TTBK1: variants seen among roughly 807,000 people sequenced by gnomAD.
TTBK1 encodes tau tubulin kinase 1.
Under a neutral mutation model 108.5 loss-of-function variants are expected in TTBK1, and 34 were observed. That is an observed-to-expected ratio of 0.31 (90% CI 0.24 to 0.42). The LOEUF is 0.42. Ranked by LOEUF, TTBK1 falls within the 10% of genes least tolerant of loss-of-function variation. The pLI, the probability that TTBK1 is intolerant of heterozygous loss-of-function variation, is 1.00. For synonymous variants in TTBK1, 809 were observed against 795.1 expected (o/e 1.02, Z -0.29); for missense variants, 1,539 against 1,826.0 (o/e 0.84, Z 2.86).
Position 43,263,209 on chromosome 6 carries a change from C to A in TTBK1, c.1845C>A (p.Pro615=). The A allele has an allele frequency of 6.3e-7, 1 of 1,579,500 alleles. No homozygotes were observed. Among genetic ancestry groups the A allele is most frequent in the Non-Finnish European group, 8.6e-7 (1 of 1,162,482 alleles). ...ACCTGCAGCATTTGCCGCCCCAGCCCCTGCCACCCCAGCTGAGCCAGGGCG... is the reference window on the plus strand; with the variant it reads ...ACCTGCAGCATTTGCCGCCCCAGCCACTGCCACCCCAGCTGAGCCAGGGCG... ...EEDLQHLPPQ[P]LPPQLSQGDG... The change falls in exon 13 of 15, where the codon CCC becomes CCA. Residue 615 remains proline (P), a synonymous_variant. Coordinates refer to ENST00000259750, the MANE Select transcript of TTBK1 (RefSeq NM_032538.3). The surrounding 1 kb of genome is among the most constrained non-coding windows in gnomAD (Gnocchi z 4.7).
In TTBK1 at chr6:43,263,714, G is replaced by A. The variant is rs975542866; in HGVS notation, c.1986+364G>A. Among the ~76,000 whole-genome samples, 5 of 152,210 alleles carry A rather than the reference G, an allele frequency of 3.3e-5. No individual in the cohort carries two copies. The highest frequency in any genetic ancestry group is 7.4e-5 in the Non-Finnish European group (5 of 68,026). On this transcript the variant is annotated intron_variant, in intron 13 of 14. Coordinates refer to ENST00000259750, the MANE Select transcript of TTBK1 (RefSeq NM_032538.3). This position sits in a 1 kb window ranked among gnomAD's most constrained non-coding sequence, Gnocchi z 4.7. ...AGACAAGGCTGTGAGGTCAGCCCTG[G>A]GCCCTGCCACGGAGGGACTTGGGGC...
At chr6:43,271,384 C>CTTG in intron 13 of TTBK1, 2 of 985,228 alleles carry the variant, frequency 2.0e-6, no homozygotes, top group Non-Finnish European at 2.4e-6. Flanking sequence ...TTACATAGAC[C>CTTG]TCAATGTGAC....
chr6:43,272,767 G>A (rs1196435819), intron 13 of TTBK1: 3 of 717,658 alleles, frequency 4.2e-6, no homozygotes, highest in Admixed American at 1.3e-4. Context: ...GCTGGTCTCC[G>A]GTTCCCAGGC....
chr6:43,261,711 A>C (rs1777543177), intron 12 of TTBK1, among the ~76,000 whole-genome samples: 1 of 147,988 alleles, frequency 6.8e-6, no homozygotes, highest in Non-Finnish European at 1.5e-5. Flanking sequence ...GCTACTCAGG[A>C]GGCTGAGGCA....
rs776301933 is a variant in TTBK1 at position 43,276,355 on chromosome 6, A to T, written c.1987-6372A>T. On this transcript the variant is annotated intron_variant, in intron 13 of 14. Transcript: ENST00000259750. This position sits in a 1 kb window ranked among gnomAD's most constrained non-coding sequence, Gnocchi z 5.4. The stretch of plus-strand genomic sequence containing the variant: ...CCGGGGTGCGTCCTCCTTAGTGTAC[A>T]TAGCGGCGTCGGGGGGTGGCCCCAG... 3.3e-5 allele frequency among the ~76,000 whole-genome samples: 5 copies of T among 152,094 alleles called. No homozygotes were observed. The highest frequency in any genetic ancestry group is 7.4e-5 in the Non-Finnish European group (5 of 68,026).
At chr6:43,271,110 T>A in intron 13 of TTBK1, 1 of 985,444 alleles carries the variant, frequency 1.0e-6, no homozygotes. Context: ...ATCCTGCCCA[T>A]GTCAGCCAGC....
chr6:43,282,311 G>A lies in TTBK1; in HGVS notation c.1987-416G>A, dbSNP rs1224234965. Among the ~76,000 whole-genome samples the A allele has an allele frequency of 6.6e-6, 1 of 152,248 alleles. No individual in the cohort carries two copies. The highest frequency in any genetic ancestry group is 1.5e-5 in the Non-Finnish European group (1 of 68,042). On this transcript the variant is annotated intron_variant, in intron 13 of 14. Transcript: ENST00000259750. The surrounding 1 kb of genome is among the most constrained non-coding windows in gnomAD (Gnocchi z 5.4). ...GTCTCTGGACCTGGCTTTCTCATCT[G>A]TAAAAGGAAGGGCTGATCTGCGTGG...
Position 43,273,969 on chromosome 6 carries a change from T to C in TTBK1, c.1987-8758T>C, listed in dbSNP as rs189791199. Among the ~76,000 whole-genome samples, 11 of 152,210 alleles carry C rather than the reference T, an allele frequency of 7.2e-5. No individual in the cohort carries two copies. The highest frequency in any genetic ancestry group is 2.6e-4 in the African/African-American group (11 of 41,534). On this transcript the variant is annotated intron_variant, in intron 13 of 14. Coordinates refer to ENST00000259750, the MANE Select transcript of TTBK1 (RefSeq NM_032538.3). This position sits in a 1 kb window ranked among gnomAD's most constrained non-coding sequence, Gnocchi z 4.2. ...GAACCTGGCCAGTGGGGATGTGTGG[T>C]GTGTGCTGTGTTTATACATGTGGTG...
At chr6:43,260,702 G>A (rs1777517731) in intron 12 of TTBK1, among the ~76,000 whole-genome samples, 1 of 152,170 alleles carries the variant, frequency 6.6e-6, no homozygotes, top group African/African-American at 2.4e-5. Flanking sequence ...AGTCCTGAAG[G>A]GCTGCCTGCT....
In TTBK1 at chr6:43,276,466, C is replaced by T. The variant is rs1778002617; in HGVS notation, c.1987-6261C>T. On this transcript the variant is annotated intron_variant, in intron 13 of 14. Coordinates refer to ENST00000259750, the MANE Select transcript of TTBK1 (RefSeq NM_032538.3). The surrounding 1 kb of genome is among the most constrained non-coding windows in gnomAD (Gnocchi z 5.4). ...CCAACACTTGAAACCGACACGCACACGCGCGGCGCCGCCACGGGGGTGGGA... is the reference window on the plus strand; with the variant it reads ...CCAACACTTGAAACCGACACGCACATGCGCGGCGCCGCCACGGGGGTGGGA... Among the ~76,000 whole-genome samples, 1 of 152,138 alleles carries T rather than the reference C, an allele frequency of 6.6e-6. No homozygotes were observed.
Position 43,253,682 on chromosome 6 carries a change from G to A in TTBK1, c.445G>A (p.Gly149Ser). Residue 149 changes from glycine (G) to serine (S), a missense_variant, in exon 5 of 15, where the codon GGC (glycine) becomes AGC (serine). Gly to Ser is a moderately conservative substitution (Grantham distance 56, BLOSUM62 0). Transcript: ENST00000259750. The surrounding 1 kb of genome is among the most constrained non-coding windows in gnomAD (Gnocchi z 5.8). ...GTCCATCGAGGCCATCCACTCTGTG[G>A]GCTTCCTGCACCGTGACATCAAGCC... ...LESIEAIHSV[G>S]FLHRDIKPSN... 1 of 1,613,518 alleles carries A rather than the reference G, an allele frequency of 6.2e-7. No homozygotes were observed. Among genetic ancestry groups the A allele is most frequent in the Non-Finnish European group, 8.5e-7 (1 of 1,179,784 alleles).
rs865779228 is a variant in TTBK1 at position 43,252,784 on chromosome 6, A to G, written c.154A>G (p.Met52Val). 4.3e-6 allele frequency: 7 copies of G among 1,613,914 alleles called. No homozygotes were observed. Among genetic ancestry groups the G allele is most frequent in the African/African-American group, 1.3e-5 (1 of 74,912 alleles). ...GGGFGEIYEA[M>V]DLLTRENVAL... ...GGGCTTTGGTGAGATCTACGAGGCC[A>G]TGGACCTGCTGACCAGGGAGAATGT... Residue 52 changes from methionine to valine, a missense_variant, in exon 3 of 15, where the codon ATG (methionine) becomes GTG (valine). Around this residue, in one of 5 missense-constraint regions of TTBK1, gnomAD observed 155 missense variants for 348.5 expected, o/e 0.44. Transcript: ENST00000259750.
intron 13 of TTBK1, among the ~76,000 whole-genome samples, chr6:43,277,095 G>A (rs1778021968): frequency 6.6e-6 from 1 of 152,190 alleles, no homozygotes; most frequent in Non-Finnish European, 1.5e-5. Context: ...GTGTCTGGTG[G>A]GACTAGAAAG....
intron 13 of TTBK1, among the ~76,000 whole-genome samples, chr6:43,275,319 A>C (rs896885638): frequency 2.8e-5 from 4 of 145,294 alleles, no homozygotes; most frequent in African/African-American, 5.1e-5. Context: ...CTCCCGCCCC[A>C]CCCCGCCGCC....
At position 43,283,618 on chromosome 6, in the gene TTBK1, C is replaced by T. The variant is rs958470285; in HGVS notation, c.2878C>T (p.Leu960=). ...RSEEFSAGGE[L]GLELASDGGA... is the part of the protein sequence containing the mutation. The stretch of plus-strand genomic sequence containing the variant: ...TGAGGAGTTCAGCGCTGGGGGCGAG[C>T]TGGGTCTGGAGCTGGCCTCTGATGG... Residue 960 remains leucine, a synonymous_variant, in exon 14 of 15, where the codon CTG becomes TTG. Coordinates refer to ENST00000259750, the MANE Select transcript of TTBK1 (RefSeq NM_032538.3). The surrounding 1 kb of genome is among the most constrained non-coding windows in gnomAD (Gnocchi z 8.1). The T allele has an allele frequency of 1.9e-5, 31 of 1,614,026 alleles. No individual in the cohort carries two copies. Among genetic ancestry groups the T allele is most frequent in the Non-Finnish European group, 2.5e-5 (29 of 1,180,016 alleles).
In TTBK1 at chr6:43,253,766, T is replaced by A; in HGVS notation, c.471+58T>A. The stretch of plus-strand genomic sequence containing the variant: ...CTCCTCCAGAACACACCCCTAATTC[T>A]TTCCCTGGGTCTCCTGGTTTCTCCT... On this transcript the variant is annotated intron_variant, in intron 5 of 14. Transcript: ENST00000259750. The surrounding 1 kb of genome is among the most constrained non-coding windows in gnomAD (Gnocchi z 5.8). 1 of 1,542,136 alleles carries A rather than the reference T, an allele frequency of 6.5e-7. No individual in the cohort carries two copies. Among genetic ancestry groups the A allele is most frequent in the Non-Finnish European group, 8.7e-7 (1 of 1,143,032 alleles).
intron 2 of TTBK1, among the ~76,000 whole-genome samples, chr6:43,247,118 T>C (rs1245372302): frequency 6.6e-6 from 1 of 151,152 alleles, no homozygotes; most frequent in Non-Finnish European, 1.5e-5. Context: ...CTGACGGACC[T>C]TGGAGAAGGG....
chr6:43,252,182 CTGTGTGTGTGTGTGTGTG>C (rs58985204), intron 2 of TTBK1, among the ~76,000 whole-genome samples: 3 of 140,116 alleles, frequency 2.1e-5, no homozygotes, highest in East Asian at 4.2e-4. Context: ...ACATCTGGCT[CTGTGTGTGTGTGTGTGTG>C]TGTGTGTGTG....
At position 43,269,584 on chromosome 6, in the gene TTBK1, GGAGCTGTC is replaced by G; in HGVS notation, c.1986+6238_1986+6245del. 1 of 1,509,466 alleles carries G rather than the reference GGAGCTGTC, an allele frequency of 6.6e-7. No homozygotes were observed. The highest frequency in any genetic ancestry group is 8.9e-7 in the Non-Finnish European group (1 of 1,126,212). The allele number at this position is 1,509,466 out of a possible 1,614,324, so 93.5% of individuals were successfully genotyped here. A position where few individuals can be genotyped will look rare whatever the true frequency, so the allele number is the denominator to read the frequency against. ...GTGAGCGGTGGGTGGCCCCGGAGAC[GGAGCTGTC>G]GAGTCTGTGCCTGACACCTCTTTTC... On this transcript the variant is annotated intron_variant, in intron 13 of 14. Coordinates refer to ENST00000259750, the MANE Select transcript of TTBK1 (RefSeq NM_032538.3). The surrounding 1 kb of genome is among the most constrained non-coding windows in gnomAD (Gnocchi z 4.8).
Sources: allele counts gnomAD v4.1 joint callset (sites outside exome capture counted in the v4.1 genomes callset), GRCh38; gene constraint gnomAD v4.1.1; regional missense constraint gnomAD v4.1.1; non-coding constraint Gnocchi (gnomAD v3.1); transcripts MANE v1.5; gene names NCBI Gene and HGNC (gene_info 2026-07-23, HGNC 2026-07-21).